The following FAAH2 variants were observed in gnomAD, a reference collection of about 807,000 sequenced individuals.
FAAH2 encodes the protein fatty-acid amide hydrolase 2.
In FAAH2, 60 loss-of-function variants were observed where a neutral mutation model predicts 36.9. That is an observed-to-expected ratio of 1.63 (90% CI 1.32 to 2.02). The LOEUF is 2.02. Ranked by LOEUF, FAAH2 falls within the 30% of genes most tolerant of loss-of-function variation. The pLI, the probability that FAAH2 is intolerant of heterozygous loss-of-function variation, is 0.00. For missense variants in FAAH2, 689 were observed against 397.5 expected (o/e 1.73, Z -6.23); for synonymous variants, 214 against 143.8 (o/e 1.49, Z -3.49).
At chrX:57,453,459 G>C (rs948608932) in intron 10 of FAAH2, among the ~76,000 whole-genome samples, 1 of 111,766 alleles carries the variant, frequency 8.9e-6, no homozygotes, top group Non-Finnish European at 1.9e-5. Flanking sequence ...ACAGCCTCCT[G>C]TTATCCAGGG....
chrX:57,214,790 G>A, the FAAH2 span, among the ~76,000 whole-genome samples: 1 of 110,946 alleles, frequency 9.0e-6, no homozygotes, highest in South Asian at 3.8e-4. Context: ...TTATTATTTG[G>A]CCAATCAACC....
intron 7 of FAAH2, among the ~76,000 whole-genome samples, chrX:57,402,676 T>A (rs1248218916): frequency 8.9e-6 from 1 of 111,936 alleles, no homozygotes. Context: ...GAAGTAGGAT[T>A]TTCTTCCTTT....
At chrX:57,154,267 CT>C in the FAAH2 span, among the ~76,000 whole-genome samples, 767 of 94,927 alleles carry the variant, frequency 8.1e-3, 8 homozygotes, top group South Asian at 0.034. Context: ...TATGTTGTAT[CT>C]TTTTTTTTTT....
At chrX:57,154,816 G>A in the FAAH2 span, among the ~76,000 whole-genome samples, 2 of 110,084 alleles carry the variant, frequency 1.8e-5, no homozygotes, top group East Asian at 2.9e-4. Flanking sequence ...TCTGAGGGAA[G>A]ATCTGGGACT....
intron 7 of FAAH2, among the ~76,000 whole-genome samples, chrX:57,401,883 G>A (rs1161703287): frequency 9.0e-6 from 1 of 111,225 alleles, no homozygotes; most frequent in Non-Finnish European, 1.9e-5. Context: ...TAACAAGGGA[G>A]TGGGGCTTTC....
At chrX:57,419,109 G>A (rs1327938993) in intron 7 of FAAH2, among the ~76,000 whole-genome samples, 1 of 108,094 alleles carries the variant, frequency 9.3e-6, no homozygotes, top group East Asian at 2.9e-4. Flanking sequence ...TCTTAATCCA[G>A]TCTATCATTG....
the FAAH2 span, among the ~76,000 whole-genome samples, chrX:57,246,436 G>A: frequency 9.0e-6 from 1 of 111,677 alleles, no homozygotes; most frequent in Non-Finnish European, 1.9e-5. Flanking sequence ...AGAAATTTCA[G>A]GCCAATATCC....
At chrX:57,171,114 A>G in the FAAH2 span, among the ~76,000 whole-genome samples, 4 of 111,676 alleles carry the variant, frequency 3.6e-5, no homozygotes, top group Admixed American at 9.5e-5. Flanking sequence ...GTTGAGTAGT[A>G]TTCCATGGTA....
the FAAH2 span, among the ~76,000 whole-genome samples, chrX:57,151,131 C>G: frequency 1.6e-4 from 18 of 112,617 alleles, no homozygotes; most frequent in African/African-American, 5.2e-4. Context: ...GAGAGATCCA[C>G]TGTTAGTCTG....
the FAAH2 span, among the ~76,000 whole-genome samples, chrX:57,224,135 A>T: frequency 9.0e-6 from 1 of 111,468 alleles, no homozygotes; most frequent in Non-Finnish European, 1.9e-5. Flanking sequence ...AGCCACTCAG[A>T]TATTACCTCT....
chrX:57,315,737 C>G (rs1339289339), intron 3 of FAAH2, among the ~76,000 whole-genome samples: 1 of 111,442 alleles, frequency 9.0e-6, no homozygotes, highest in Non-Finnish European at 1.9e-5. Context: ...TCCCAACAGA[C>G]TAGGCATCGA....
intron 10 of FAAH2, among the ~76,000 whole-genome samples, chrX:57,450,785 G>T (rs950427000): frequency 2.7e-5 from 3 of 110,953 alleles, no homozygotes; most frequent in African/African-American, 9.8e-5. Context: ...AGGATGGTTG[G>T]AAGGATATAA....
At chrX:57,165,073 C>A in the FAAH2 span, among the ~76,000 whole-genome samples, 1 of 112,328 alleles carries the variant, frequency 8.9e-6, no homozygotes, top group East Asian at 2.8e-4. Flanking sequence ...GAAATAGGAA[C>A]ACTTTTTCAC....
At chrX:57,400,549 G>T (rs892509362) in intron 7 of FAAH2, among the ~76,000 whole-genome samples, 1 of 112,409 alleles carries the variant, frequency 8.9e-6, no homozygotes, top group Admixed American at 9.4e-5. Flanking sequence ...TACTAAATGG[G>T]TATTGGCTTT....
intron 8 of FAAH2, among the ~76,000 whole-genome samples, chrX:57,441,229 T>G (rs1394404708): frequency 1.8e-5 from 2 of 111,625 alleles, no homozygotes. Context: ...TGAATCTGTC[T>G]GGTTCTGGAT....
intron 7 of FAAH2, among the ~76,000 whole-genome samples, chrX:57,383,087 C>A (rs1273208765): frequency 8.9e-6 from 1 of 111,740 alleles, no homozygotes; most frequent in East Asian, 2.8e-4. Flanking sequence ...ACATGATTAT[C>A]TCAATAGATG....
intron 9 of FAAH2, among the ~76,000 whole-genome samples, chrX:57,447,400 C>T (rs1053726207): frequency 8.9e-6 from 1 of 111,739 alleles, no homozygotes; most frequent in Admixed American, 9.5e-5. Flanking sequence ...CTTCTCACAG[C>T]TCCACTAGGC....
At chrX:57,137,586 C>G in the FAAH2 span, 1 of 116,169 alleles carries the variant, frequency 8.6e-6, no homozygotes, top group East Asian at 2.8e-4. Context: ...AATCACAGAG[C>G]AGATCTGCCT....
In FAAH2 at chrX:57,426,802, A is replaced by G. The variant is rs1420556370; in HGVS notation, c.997-5116A>G. On this transcript the variant is annotated intron_variant, in intron 7 of 10. Coordinates refer to ENST00000374900, the MANE Select transcript of FAAH2 (RefSeq NM_174912.4). ...AAATGCCTACATCAAAGTAATAAAA[A>G]GACTACAAATTAACAATCTACCATC... is the stretch of plus-strand genomic sequence containing the variant. Among the ~76,000 whole-genome samples, 25 of 111,822 alleles carry G rather than the reference A, an allele frequency of 2.2e-4. No homozygotes were observed. In the Admixed American group the frequency reaches 2.4e-3, roughly 11 times the overall value.
Sources: allele counts gnomAD v4.1 joint callset (sites outside exome capture counted in the v4.1 genomes callset), GRCh38; gene constraint gnomAD v4.1.1; transcripts MANE v1.5; gene names NCBI Gene and HGNC (gene_info 2026-07-23, HGNC 2026-07-21).